ZNF343: variants seen among roughly 807,000 people sequenced by gnomAD.
ZNF343 encodes the protein zinc finger protein 343.
A neutral mutation model predicts 13.8 loss-of-function variants in ZNF343; 11 were observed. That is an observed-to-expected ratio of 0.80 (90% CI 0.50 to 1.32). The LOEUF is 1.32. ZNF343 is among the 40% of genes most tolerant of loss of function. The pLI is 0.00. For synonymous variants in ZNF343, 248 were observed against 260.0 expected (o/e 0.95, Z 0.44); for missense variants, 658 against 714.2 (o/e 0.92, Z 0.90).
At chr20:2,485,409 T>C (rs1247754595) in intron 5 of ZNF343, among the ~76,000 whole-genome samples, 1 of 152,222 alleles carries the variant, frequency 6.6e-6, no homozygotes, top group Admixed American at 6.5e-5. Context: ...CACAACATGA[T>C]CTATCCAACT....
chr20:2,507,879 G>C (rs975383901), intron 1 of ZNF343, among the ~76,000 whole-genome samples: 1 of 152,086 alleles, frequency 6.6e-6, no homozygotes, highest in African/African-American at 2.4e-5. Context: ...ACCATATGCC[G>C]GAAGTGATTT....
rs6138303 is a variant in ZNF343, at chr20:2,518,596, A to G, written c.-347+5859T>C. On this transcript the variant is annotated intron_variant, in intron 1 of 6. Coordinates refer to the ZNF343 transcript ENST00000358413. This position sits in a 1 kb window ranked among gnomAD's most constrained non-coding sequence, Gnocchi z 4.6. ...CCCTCCGGTTCCACACTCACTCACA[A>G]CCTACAACCCTCCCTTACAGACACT... Among the ~76,000 whole-genome samples the G allele has an allele frequency of 5.8e-3, 886 of 152,156 alleles. 27 individuals carry two copies. In the East Asian group the frequency reaches 0.095, roughly 16 times the overall value.
rs369638356 is a variant in ZNF343, at chr20:2,493,850, C to T, written c.46G>A (p.Glu16Lys). ...TCCCCATTCTTTGGAAGCAAAATCT[C>T]TTCCCAGTATTGATCTCCCAGTGCT... is the stretch of plus-strand genomic sequence containing the variant. ...PSALGDQYWE[E>K]ILLPKNGENV... Residue 16 changes from glutamate to lysine, a missense_variant, in exon 3 of 6, where the codon GAG (glutamate) becomes AAG (lysine). Transcript: ENST00000278772. 8 of 1,613,988 alleles carry T rather than the reference C, an allele frequency of 5.0e-6. No homozygotes were observed. In the African/African-American group the frequency reaches 9.3e-5, roughly 19 times the overall value.
intron 4 of ZNF343, 147 bp downstream of exon 4, chr20:2,493,372 G>C: frequency 1.3e-6 from 1 of 762,660 alleles, no homozygotes; most frequent in Non-Finnish European, 2.2e-6. Context: ...TATGTGCTTT[G>C]ACAACTTTTT....
chr20:2,490,353 C>T (rs1226207132), intron 5 of ZNF343, among the ~76,000 whole-genome samples: 1 of 152,000 alleles, frequency 6.6e-6, no homozygotes. Flanking sequence ...AAGGGAATAG[C>T]CCAAAAGAGA....
chr20:2,519,611 T>C (rs2085774225), intron 1 of ZNF343, among the ~76,000 whole-genome samples: 1 of 152,194 alleles, frequency 6.6e-6, no homozygotes, highest in African/African-American at 2.4e-5. Flanking sequence ...TATACGCATA[T>C]ACATACACAT....
chr20:2,501,203 G>A (rs1033086732), intron 1 of ZNF343, among the ~76,000 whole-genome samples: 12 of 152,104 alleles, frequency 7.9e-5, no homozygotes, highest in East Asian at 7.7e-4. Flanking sequence ...ATGGACCCTC[G>A]CTCATTGCTA....
intron 1 of ZNF343, among the ~76,000 whole-genome samples, chr20:2,517,627 A>C (rs1219817887): frequency 1.3e-5 from 2 of 151,006 alleles, no homozygotes; most frequent in African/African-American, 2.4e-5. Context: ...TCAGCCTTCC[A>C]AGTAACTGGG....
upstream of ZNF343, among the ~76,000 whole-genome samples, chr20:2,510,953 G>A (rs1320402475): frequency 6.6e-6 from 1 of 152,130 alleles, no homozygotes; most frequent in Non-Finnish European, 1.5e-5. Context: ...GATGAGGAGT[G>A]TGGGTTCTCA....
intron 5 of ZNF343, among the ~76,000 whole-genome samples, chr20:2,489,977 C>A (rs1326354517): frequency 2.1e-5 from 3 of 144,780 alleles, no homozygotes; most frequent in Non-Finnish European, 3.0e-5. Context: ...CATGGCAAAA[C>A]CCTGTCTGAA....
intron 1 of ZNF343, among the ~76,000 whole-genome samples, chr20:2,514,048 A>G (rs986806774): frequency 9.9e-5 from 15 of 152,250 alleles, no homozygotes; most frequent in Non-Finnish European, 1.8e-4. Flanking sequence ...TGGAATTGCC[A>G]TAACGGGATG....
At chr20:2,486,271 C>T (rs2122558084) in intron 5 of ZNF343, among the ~76,000 whole-genome samples, 1 of 152,306 alleles carries the variant, frequency 6.6e-6, no homozygotes, top group African/African-American at 2.4e-5. Context: ...CCCATGTATA[C>T]TCACTATGAT....
At chr20:2,511,385 C>T (rs770199791), upstream of ZNF343, among the ~76,000 whole-genome samples, 2 of 152,170 alleles carry the variant, frequency 1.3e-5, no homozygotes, top group African/African-American at 2.4e-5. Flanking sequence ...GCTGGAATTA[C>T]AGGCATGAGC....
upstream of ZNF343, among the ~76,000 whole-genome samples, chr20:2,512,845 G>A (rs1299653101): frequency 1.3e-5 from 2 of 151,588 alleles, no homozygotes; most frequent in African/African-American, 4.9e-5. Flanking sequence ...CAGCACTTTG[G>A]GAGGCCAAGG....
At chr20:2,496,125 CA>C (rs1326450543) in intron 2 of ZNF343, among the ~76,000 whole-genome samples, 1 of 152,184 alleles carries the variant, frequency 6.6e-6, no homozygotes, top group African/African-American at 2.4e-5. Context: ...CACAAGATAT[CA>C]GACGGAGATA....
chr20:2,493,754 T>C, intron 3 of ZNF343, 24 bp downstream of exon 3: 1 of 1,586,178 alleles, frequency 6.3e-7, no homozygotes, highest in Non-Finnish European at 8.7e-7. Context: ...TCTTCATCCC[T>C]CCGGCTCCCT....
chr20:2,515,252 C>A (rs1357284556), intron 1 of ZNF343, among the ~76,000 whole-genome samples: 1 of 152,098 alleles, frequency 6.6e-6, no homozygotes, highest in African/African-American at 2.4e-5. Context: ...TATTATTTGT[C>A]AGAGCTATTT....
Position 2,484,544 on chromosome 20 carries a change from A to G in ZNF343, c.417T>C (p.Asn139=). ...LQIFLGLCAE[N]HFHPGNSSPG... is the part of the protein sequence containing the mutation. ...GGCTAGAATTCCCTGGATGGAAGTG[A>G]TTTTCTGCACATAAGCCCAGGAAGA... The change falls in exon 6 of 6, where the codon AAT becomes AAC. Residue 139 remains asparagine (N), a synonymous_variant. Transcript: ENST00000278772. 6.2e-7 allele frequency: 1 copy of G among 1,614,170 alleles called. No individual in the cohort carries two copies.
intron 1 of ZNF343, among the ~76,000 whole-genome samples, chr20:2,507,226 T>C (rs1238020065): frequency 7.0e-6 from 1 of 142,486 alleles, no homozygotes; most frequent in African/African-American, 2.7e-5. Context: ...ATCGCGCCAC[T>C]GCACTCCAGC....
Sources: gnomAD v4.1 joint callset for allele counts (sites outside exome capture counted in the v4.1 genomes callset) on GRCh38, gnomAD v4.1.1 for gene constraint, Gnocchi (gnomAD v3.1) non-coding constraint, MANE v1.5 for transcripts, NCBI Gene and HGNC (gene_info 2026-07-23, HGNC 2026-07-21) for gene names.